CPLX2: variants seen among roughly 807,000 people sequenced by gnomAD.
The protein encoded by CPLX2 is complexin-2.
Under a neutral mutation model 16.3 loss-of-function variants are expected in CPLX2, and 5 were observed. The ratio of observed to expected loss-of-function variants is 0.31; its 90% confidence interval spans 0.16 to 0.64. The LOEUF is 0.64. Ranked by LOEUF, CPLX2 falls within the 30% of genes least tolerant of loss-of-function variation. The pLI is 0.79. For synonymous variants in CPLX2, 89 were observed against 73.2 expected (o/e 1.22, Z -1.10); for missense variants, 144 against 181.4 (o/e 0.79, Z 1.18).
chr5:175,853,567 T>C (rs1759196851), intron 2 of CPLX2, among the ~76,000 whole-genome samples: 1 of 152,120 alleles, frequency 6.6e-6, no homozygotes, highest in African/African-American at 2.4e-5. Context: ...CTGTCTATTG[T>C]GCCCTGAGAT....
chr5:175,799,548 A>ATGTATATATATT (rs33953622), intron 1 of CPLX2, among the ~76,000 whole-genome samples: 1 of 125,484 alleles, frequency 8.0e-6, no homozygotes, highest in Non-Finnish European at 1.7e-5. Flanking sequence ...TCATATATAT[A>ATGTATATATATT]TATATATATA....
At chr5:175,874,658 A>G (rs1332205066) in intron 1 of CPLX2, among the ~76,000 whole-genome samples, 1 of 152,032 alleles carries the variant, frequency 6.6e-6, no homozygotes, top group Non-Finnish European at 1.5e-5. Context: ...GGACAGACAG[A>G]ATTTGAGATT....
chr5:175,870,511 G>C (rs1759567095), upstream of CPLX2, among the ~76,000 whole-genome samples: 1 of 152,188 alleles, frequency 6.6e-6, no homozygotes, highest in Non-Finnish European at 1.5e-5. Flanking sequence ...CAGGCCTTGT[G>C]CAAGGCCCCT....
chr5:175,831,394 A>T (rs1249167683), intron 2 of CPLX2, among the ~76,000 whole-genome samples: 1 of 152,148 alleles, frequency 6.6e-6, no homozygotes, highest in African/African-American at 2.4e-5. Context: ...CCTGGCTCCC[A>T]GGGCCCGTCT....
At chr5:175,833,943 G>C (rs1219849632) in intron 2 of CPLX2, among the ~76,000 whole-genome samples, 1 of 152,088 alleles carries the variant, frequency 6.6e-6, no homozygotes, top group Admixed American at 6.5e-5. Flanking sequence ...AGGGCACTTA[G>C]TTTCCATGCA....
chr5:175,873,977 TA>T (rs767615029), intron 1 of CPLX2, among the ~76,000 whole-genome samples: 5 of 152,146 alleles, frequency 3.3e-5, no homozygotes, highest in Non-Finnish European at 7.3e-5. Flanking sequence ...TGTTGGGAAA[TA>T]ATACGTGCTA....
intron 2 of CPLX2, among the ~76,000 whole-genome samples, chr5:175,836,087 AC>A (rs1321575728): frequency 6.6e-6 from 1 of 152,174 alleles, no homozygotes; most frequent in Admixed American, 6.5e-5. Flanking sequence ...GCGGTGGCTC[AC>A]GCCTGTAATT....
In CPLX2 at chr5:175,797,300, C is replaced by T. The variant is rs564908297; in HGVS notation, c.-169+516C>T. On this transcript the variant is annotated intron_variant, in intron 1 of 4. Transcript: ENST00000359546. ...AGAGAGGTGTCACCGGCGAGCTAGG[C>T]GGGGGCCTAGCACAGCCGCGCGTCT... 3.6e-3 allele frequency among the ~76,000 whole-genome samples: 546 copies of T among 152,254 alleles called. 4 individuals carry two copies. The highest frequency in any genetic ancestry group is 0.012 in the African/African-American group (515 of 41,566).
At chr5:175,834,717 A>C (rs1758794513) in intron 2 of CPLX2, among the ~76,000 whole-genome samples, 1 of 152,174 alleles carries the variant, frequency 6.6e-6, no homozygotes, top group African/African-American at 2.4e-5. Context: ...TACTAAAAAT[A>C]CAAAAAATTA....
chr5:175,879,180 T>A, intron 3 of CPLX2, 97 bp downstream of exon 3: 1 of 1,296,466 alleles, frequency 7.7e-7, no homozygotes, highest in Non-Finnish European at 1.1e-6. Context: ...ATCCCAGCTC[T>A]CACCTTCGCC....
chr5:175,860,590 G>A (rs1440863743), intron 2 of CPLX2, among the ~76,000 whole-genome samples: 3 of 87,522 alleles, frequency 3.4e-5, no homozygotes, highest in Non-Finnish European at 7.8e-5. Flanking sequence ...AGGGAGGGAA[G>A]GAAGGAAGGA....
chr5:175,853,377 C>T (rs113073008), intron 2 of CPLX2, among the ~76,000 whole-genome samples: 42 of 152,298 alleles, frequency 2.8e-4, no homozygotes, highest in African/African-American at 8.7e-4. Context: ...GAGAAACTGG[C>T]CCCAGCGCCC....
At chr5:175,838,057 G>C (rs1168981415) in intron 2 of CPLX2, among the ~76,000 whole-genome samples, 1 of 152,202 alleles carries the variant, frequency 6.6e-6, no homozygotes, top group Non-Finnish European at 1.5e-5. Flanking sequence ...CTGGGTGGTA[G>C]AGTCCTATTT....
At chr5:175,878,879 G>A (rs763541194) in intron 2 of CPLX2, 29 bp from the exon 3 acceptor site, 25 of 1,189,864 alleles carry the variant, frequency 2.1e-5, no homozygotes, top group Middle Eastern at 2.2e-4. Flanking sequence ...AGCTGACCCC[G>A]CCCTCTCCTT....
intron 2 of CPLX2, among the ~76,000 whole-genome samples, chr5:175,836,350 AAAAT>A (rs1758841062): frequency 7.3e-6 from 1 of 137,724 alleles, no homozygotes; most frequent in Admixed American, 7.3e-5. Flanking sequence ...ACTCCGTCTC[AAAAT>A]AAATAAATAA....
At chr5:175,838,859 T>C (rs552136126) in intron 2 of CPLX2, among the ~76,000 whole-genome samples, 1 of 152,360 alleles carries the variant, frequency 6.6e-6, no homozygotes, top group African/African-American at 2.4e-5. Flanking sequence ...ATCCCATTTC[T>C]ATAAAATGCT....
chr5:175,878,599 C>CGG (rs1755470807), intron 1 of CPLX2, 53 bp from the exon 2 acceptor site: 1 of 930,944 alleles, frequency 1.1e-6, no homozygotes, highest in African/African-American at 1.6e-5. Flanking sequence ...CTAGCTCCCC[C>CGG]GCCCTGCCTG....
chr5:175,846,369 C>T (rs1435446159), intron 2 of CPLX2, among the ~76,000 whole-genome samples: 1 of 152,172 alleles, frequency 6.6e-6, no homozygotes, highest in African/African-American at 2.4e-5. Flanking sequence ...CTCTCCACCT[C>T]CCTCTGCCTG....
At chr5:175,834,745 G>A (rs1758795351) in intron 2 of CPLX2, among the ~76,000 whole-genome samples, 1 of 152,124 alleles carries the variant, frequency 6.6e-6, no homozygotes, top group Non-Finnish European at 1.5e-5. Context: ...ATCATGGCGG[G>A]AGTCTGTAGT....
Sources: allele counts gnomAD v4.1 joint callset (sites outside exome capture counted in the v4.1 genomes callset), GRCh38; gene constraint gnomAD v4.1.1; transcripts MANE v1.5; gene names NCBI Gene and HGNC (gene_info 2026-07-23, HGNC 2026-07-21).